Variants in CADPS2 observed in about 807,000 individuals in gnomAD.
CADPS2 encodes calcium-dependent secretion activator 2.
A neutral mutation model predicts 172.5 loss-of-function variants in CADPS2; 93 were observed. The observed-to-expected ratio is 0.54, with a 90% confidence interval of 0.46 to 0.64. The LOEUF is 0.64. Among genes scored for constraint, CADPS2 ranks in the 30% least tolerant of loss-of-function variants. The probability of loss-of-function intolerance (pLI) is 0.00; values close to 1 mark genes in which losing one functional copy is unlikely to be tolerated. For missense variants in CADPS2, 1,420 were observed against 1,565.9 expected (o/e 0.91, Z 1.57); for synonymous variants, 546 against 555.2 (o/e 0.98, Z 0.23).
chr7:122,759,657 G>T (rs2093307900), intron 1 of CADPS2, among the ~76,000 whole-genome samples: 2 of 152,114 alleles, frequency 1.3e-5, no homozygotes, highest in Admixed American at 6.6e-5. Context: ...GGACTTCAAT[G>T]ATTTTAATGG....
chr7:122,603,828 A>T (rs906094384), intron 6 of CADPS2, among the ~76,000 whole-genome samples: 10 of 152,134 alleles, frequency 6.6e-5, no homozygotes, highest in Non-Finnish European at 1.5e-4. Context: ...CTTTATATGT[A>T]GAATCTAAAA....
intron 8 of CADPS2, among the ~76,000 whole-genome samples, chr7:122,553,670 G>T (rs985656833): frequency 1.4e-4 from 21 of 152,058 alleles, no homozygotes; most frequent in African/African-American, 5.1e-4. Flanking sequence ...TCATCAGTTC[G>T]CTCCACCCTG....
chr7:122,767,020 TTAAA>T (rs554714231), intron 1 of CADPS2, among the ~76,000 whole-genome samples: 16 of 152,276 alleles, frequency 1.1e-4, no homozygotes, highest in African/African-American at 2.9e-4. Context: ...CTAGCACTTA[TTAAA>T]TACTTAATAC....
At chr7:122,564,847 GCACACACACACA>G (rs113078322) in intron 7 of CADPS2, among the ~76,000 whole-genome samples, 4 of 145,420 alleles carry the variant, frequency 2.8e-5, no homozygotes, top group Non-Finnish European at 4.6e-5. Context: ...ACACACACAT[GCACACACACACA>G]CACACACACA....
At chr7:122,582,453 A>G (rs2068969602) in intron 6 of CADPS2, among the ~76,000 whole-genome samples, 1 of 152,022 alleles carries the variant, frequency 6.6e-6, no homozygotes, top group Non-Finnish European at 1.5e-5. Flanking sequence ...ATCATAAGCC[A>G]GAGGGAAGAG....
intron 2 of CADPS2, among the ~76,000 whole-genome samples, chr7:122,734,717 A>G (rs1047653100): frequency 1.3e-5 from 2 of 152,154 alleles, no homozygotes; most frequent in Non-Finnish European, 2.9e-5. Context: ...TATTTTTCCA[A>G]CTAAATTTAT....
rs543639017 is a variant in CADPS2 at position 122,702,013 on chromosome 7, T to C, written c.453+34942A>G. ...CATTTAGGTCTAATTCCTCATCCCC[T>C]TCTTTGAGAACTCGCAGTTGAAGCT... On this transcript the variant is annotated intron_variant, in intron 2 of 29. Transcript: ENST00000449022. 133 of 1,613,696 alleles carry C rather than the reference T, an allele frequency of 8.2e-5. No homozygotes were observed. The South Asian group carries it at 1.1e-3, about 14-fold the overall frequency.
At position 122,716,591 on chromosome 7, in the gene CADPS2, A is replaced by C. The variant is rs2089638757; in HGVS notation, c.453+20364T>G. Reference sequence around the variant, plus strand: ...TATACCTAAGGTAAATGATGAGTTAATGGGTGCAGCACACCAACATGGCAC... The same window carrying C: ...TATACCTAAGGTAAATGATGAGTTACTGGGTGCAGCACACCAACATGGCAC... On this transcript the variant is annotated intron_variant, in intron 2 of 29. Transcript: ENST00000449022. Among the ~76,000 whole-genome samples the C allele has an allele frequency of 2.6e-5, 4 of 152,146 alleles. No individual in the cohort carries two copies. The South Asian group carries it at 8.3e-4, about 31-fold the overall frequency.
intron 1 of CADPS2, among the ~76,000 whole-genome samples, chr7:122,762,585 TAAGA>T (rs1314932777): frequency 2.6e-5 from 4 of 152,248 alleles, no homozygotes; most frequent in Admixed American, 6.5e-5. Context: ...TTGAGTTGGA[TAAGA>T]AAGAAACATT....
At chr7:122,726,330 G>A (rs1028025054) in intron 2 of CADPS2, among the ~76,000 whole-genome samples, 2 of 151,878 alleles carry the variant, frequency 1.3e-5, no homozygotes, top group Non-Finnish European at 2.9e-5. Flanking sequence ...GGAAACAGAC[G>A]AACAATGACT....
chr7:122,611,119 G>T (rs1425243831), intron 6 of CADPS2, among the ~76,000 whole-genome samples: 1 of 152,024 alleles, frequency 6.6e-6, no homozygotes, highest in Non-Finnish European at 1.5e-5. Context: ...AAAAAAGAAA[G>T]ATCTCAAATC....
intron 1 of CADPS2, among the ~76,000 whole-genome samples, chr7:122,797,839 C>T (rs1381675297): frequency 6.6e-6 from 1 of 152,020 alleles, no homozygotes. Flanking sequence ...TATAACAAAC[C>T]TGCTCATGTA....
intron 27 of CADPS2, among the ~76,000 whole-genome samples, chr7:122,351,200 C>A (rs1482238917): frequency 6.6e-6 from 1 of 150,574 alleles, no homozygotes; most frequent in Non-Finnish European, 1.5e-5. Flanking sequence ...TACTAAACAT[C>A]GTCTCTACTA....
At chr7:122,646,629 A>G (rs2078589613) in intron 3 of CADPS2, among the ~76,000 whole-genome samples, 1 of 152,158 alleles carries the variant, frequency 6.6e-6, no homozygotes, top group South Asian at 2.1e-4. Flanking sequence ...ACAGACTATA[A>G]AGAATCGTTA....
At chr7:122,690,280 T>C (rs1190237576) in intron 2 of CADPS2, among the ~76,000 whole-genome samples, 2 of 152,220 alleles carry the variant, frequency 1.3e-5, no homozygotes, top group East Asian at 3.9e-4. Context: ...GTGATGATGC[T>C]ACACCTCATC....
chr7:122,677,712 C>T (rs2082533019), intron 2 of CADPS2, among the ~76,000 whole-genome samples: 1 of 152,190 alleles, frequency 6.6e-6, no homozygotes, highest in African/African-American at 2.4e-5. Flanking sequence ...CAAGATCACA[C>T]AGCCAGAGTG....
At chr7:122,386,581 A>G (rs2043709728) in intron 24 of CADPS2, among the ~76,000 whole-genome samples, 1 of 152,044 alleles carries the variant, frequency 6.6e-6, no homozygotes, top group Non-Finnish European at 1.5e-5. Context: ...AACTAGGCCT[A>G]GATTTTTAAG....
At chr7:122,492,270 A>T (rs2129777556) in intron 9 of CADPS2, among the ~76,000 whole-genome samples, 1 of 152,332 alleles carries the variant, frequency 6.6e-6, no homozygotes, top group East Asian at 1.9e-4. Context: ...CCACATAATG[A>T]AAACCTCAGG....
At chr7:122,461,171 A>G (rs571067685) in intron 14 of CADPS2, among the ~76,000 whole-genome samples, 27 of 152,318 alleles carry the variant, frequency 1.8e-4, no homozygotes, top group African/African-American at 6.5e-4. Context: ...TGAAAACATT[A>G]CACAGGATGC....
Sources: gnomAD v4.1 joint callset for allele counts (sites outside exome capture counted in the v4.1 genomes callset) on GRCh38, gnomAD v4.1.1 for gene constraint, MANE v1.5 for transcripts, NCBI Gene and HGNC (gene_info 2026-07-23, HGNC 2026-07-21) for gene names.